CTNNA3: variants seen among roughly 807,000 people sequenced by gnomAD.
The protein encoded by CTNNA3 is catenin alpha-3.
A neutral mutation model predicts 95.7 loss-of-function variants in CTNNA3; 76 were observed. The observed-to-expected ratio is 0.79, with a 90% CI of 0.66 to 0.96. The LOEUF is 0.96. Ranked by LOEUF, CTNNA3 falls within the 40% of genes least tolerant of loss-of-function variation. The pLI is 0.00. For synonymous variants in CTNNA3, 431 were observed against 374.4 expected (o/e 1.15, Z -1.74); for missense variants, 1,191 against 1,089.8 (o/e 1.09, Z -1.31).
chr10:66,477,550 T>C (rs961601958), intron 11 of CTNNA3, among the ~76,000 whole-genome samples: 3 of 152,058 alleles, frequency 2.0e-5, no homozygotes, highest in African/African-American at 7.2e-5. Context: ...CTCAAACTCA[T>C]GGCAGGAGAG....
In CTNNA3 at chr10:67,598,905, T is replaced by C. The variant is rs542545419; in HGVS notation, c.292+7952A>G. Among the ~76,000 whole-genome samples, 15 of 152,192 alleles carry C rather than the reference T, an allele frequency of 9.9e-5. 1 individual carries two copies. In the South Asian group the frequency reaches 2.7e-3, roughly 27 times the overall value. ...AAGGTACACATGAATTTTTCTAAAA[T>C]TGGGGAGATGCTGAAGAACCCAATA... is the stretch of plus-strand genomic sequence containing the variant. On this transcript the variant is annotated intron_variant, in intron 3 of 17. Transcript: ENST00000433211.
upstream of CTNNA3, among the ~76,000 whole-genome samples, chr10:67,700,673 G>C (rs1170929816): frequency 6.6e-6 from 1 of 152,020 alleles, no homozygotes; most frequent in East Asian, 1.9e-4. Flanking sequence ...ACAAAGATGG[G>C]GAAAAAACAG....
intron 10 of CTNNA3, among the ~76,000 whole-genome samples, chr10:66,567,335 C>T (rs1168819608): frequency 6.6e-6 from 1 of 151,932 alleles, no homozygotes; most frequent in Non-Finnish European, 1.5e-5. Context: ...ACTTCATTTC[C>T]CTGGCCTGGC....
intron 12 of CTNNA3, among the ~76,000 whole-genome samples, chr10:66,332,357 A>T (rs1289956798): frequency 6.6e-6 from 1 of 150,726 alleles, no homozygotes; most frequent in Admixed American, 6.6e-5. Flanking sequence ...GTTTTTGCCC[A>T]TTGAGTATGA....
At chr10:66,079,612 T>C (rs928637567) in intron 14 of CTNNA3, among the ~76,000 whole-genome samples, 1 of 151,956 alleles carries the variant, frequency 6.6e-6, no homozygotes, top group African/African-American at 2.4e-5. Context: ...CTAACAACAA[T>C]TTTCTTGATA....
At chr10:66,562,476 C>T (rs1842582787) in intron 10 of CTNNA3, among the ~76,000 whole-genome samples, 1 of 151,994 alleles carries the variant, frequency 6.6e-6, no homozygotes, top group African/African-American at 2.4e-5. Flanking sequence ...ATGCTAAGTC[C>T]TCCTCTATCC....
intron 10 of CTNNA3, among the ~76,000 whole-genome samples, chr10:66,559,226 T>C (rs2132128810): frequency 6.6e-6 from 1 of 152,224 alleles, no homozygotes; most frequent in Admixed American, 6.5e-5. Flanking sequence ...ACTCTGTTTC[T>C]ATTCTGCAGT....
intron 5 of CTNNA3, among the ~76,000 whole-genome samples, chr10:67,297,805 G>A (rs979729828): frequency 1.3e-5 from 2 of 152,188 alleles, no homozygotes; most frequent in Admixed American, 6.5e-5. Context: ...TTATGGACAG[G>A]TCAGGTCACA....
chr10:66,306,646 G>A (rs973507323), intron 12 of CTNNA3, among the ~76,000 whole-genome samples: 1 of 152,092 alleles, frequency 6.6e-6, no homozygotes, highest in Non-Finnish European at 1.5e-5. Flanking sequence ...ATTGAAAGAC[G>A]GTACTATAAA....
At chr10:66,358,126 T>C (rs562729302) in intron 12 of CTNNA3, among the ~76,000 whole-genome samples, 1 of 152,174 alleles carries the variant, frequency 6.6e-6, no homozygotes, top group Non-Finnish European at 1.5e-5. Context: ...TAATTTGTAT[T>C]TTCTATTTCT....
chr10:66,979,914 C>G (rs921266738), intron 7 of CTNNA3, among the ~76,000 whole-genome samples: 1 of 152,126 alleles, frequency 6.6e-6, no homozygotes, highest in African/African-American at 2.4e-5. Flanking sequence ...TTGTTGTGTT[C>G]TGCTTTGCTT....
chr10:66,294,886 CAGAG>C (rs35664400), intron 12 of CTNNA3, among the ~76,000 whole-genome samples: 2,086 of 142,376 alleles, frequency 0.015, 41 homozygotes, highest in African/African-American at 0.042. Flanking sequence ...ACAGTCAGGA[CAGAG>C]AGAGAGAGAG....
In CTNNA3 at chr10:67,151,757, C is replaced by T. The variant is rs190822669; in HGVS notation, c.1047+28560G>A. On this transcript the variant is annotated intron_variant, in intron 7 of 17. Coordinates refer to ENST00000433211, the MANE Select transcript of CTNNA3 (RefSeq NM_013266.4). Reference sequence around the variant, plus strand: ...AGCAGCATCCATATGTACAAGTCAGCTCTTTTCCATGACTCACACAAAATA... The same window carrying T: ...AGCAGCATCCATATGTACAAGTCAGTTCTTTTCCATGACTCACACAAAATA... 1.1e-4 allele frequency among the ~76,000 whole-genome samples: 16 copies of T among 152,296 alleles called. 1 individual carries two copies. The East Asian group carries it at 3.1e-3, about 29-fold the overall frequency.
intron 5 of CTNNA3, among the ~76,000 whole-genome samples, chr10:67,416,380 G>A (rs1845539734): frequency 6.6e-6 from 1 of 151,944 alleles, no homozygotes; most frequent in Admixed American, 6.5e-5. Context: ...AGGCCGAGGA[G>A]GGTGGTTCAC....
At chr10:67,657,671 T>C (rs912806225) in intron 1 of CTNNA3, among the ~76,000 whole-genome samples, 2 of 151,510 alleles carry the variant, frequency 1.3e-5, no homozygotes, top group African/African-American at 4.9e-5. Context: ...CATAGTGAAA[T>C]CCTGTCTCTA....
chr10:67,602,814 C>A (rs558460320), intron 3 of CTNNA3, among the ~76,000 whole-genome samples: 1 of 152,094 alleles, frequency 6.6e-6, no homozygotes, highest in Admixed American at 6.5e-5. Context: ...GAAACAATGT[C>A]AGGATAGGGC....
intron 7 of CTNNA3, among the ~76,000 whole-genome samples, chr10:66,802,999 G>T (rs1056676144): frequency 4.6e-5 from 7 of 151,700 alleles, no homozygotes; most frequent in Admixed American, 1.3e-4. Context: ...TGAACTTAAT[G>T]GTATATCGGA....
chr10:66,956,630 C>G (rs1848806499), intron 7 of CTNNA3, among the ~76,000 whole-genome samples: 1 of 152,198 alleles, frequency 6.6e-6, no homozygotes, highest in African/African-American at 2.4e-5. Context: ...GCTGTCATTT[C>G]AGAGTGAAAT....
At chr10:67,620,123 A>G (rs1488714974) in intron 2 of CTNNA3, among the ~76,000 whole-genome samples, 1 of 152,180 alleles carries the variant, frequency 6.6e-6, no homozygotes, top group Admixed American at 6.5e-5. Flanking sequence ...TGGATGGAGG[A>G]TGTAGCTGGG....
Sources: gnomAD v4.1 joint callset for allele counts (sites outside exome capture counted in the v4.1 genomes callset) on GRCh38, gnomAD v4.1.1 for gene constraint, MANE v1.5 for transcripts, NCBI Gene and HGNC (gene_info 2026-07-23, HGNC 2026-07-21) for gene names.